The following CAMKMT variants were observed in gnomAD, a reference collection of about 807,000 sequenced individuals.
CAMKMT encodes CaM KMT.
In CAMKMT, 53 loss-of-function variants were observed where a neutral mutation model predicts 48.0. That is an observed-to-expected ratio of 1.10 (90% CI 0.89 to 1.39). CAMKMT has a LOEUF of 1.39. Among genes scored for constraint, CAMKMT ranks in the 40% most tolerant of loss-of-function variants. The probability of loss-of-function intolerance (pLI) is 0.00; values close to 1 mark genes in which losing one functional copy is unlikely to be tolerated. For missense variants in CAMKMT, 428 were observed against 402.7 expected (o/e 1.06, Z -0.54); for synonymous variants, 165 against 152.3 (o/e 1.08, Z -0.61).
chr2:44,761,985 G>C (rs1680640489), intron 9 of CAMKMT, among the ~76,000 whole-genome samples: 1 of 152,168 alleles, frequency 6.6e-6, no homozygotes. Context: ...ATAGACTTGG[G>C]AGTTATTGGT....
At position 44,440,310 on chromosome 2, in the gene CAMKMT, T is replaced by A. The variant is rs181930741; in HGVS notation, c.376+50005T>A. ...GGGAAATCACACAAAGAGTGGGTCT[T>A]GATAGCAGTAATAGAAAATACGGTA... On this transcript the variant is annotated intron_variant, in intron 3 of 10. Transcript: ENST00000378494. 3.7e-3 allele frequency among the ~76,000 whole-genome samples: 556 copies of A among 152,240 alleles called. 4 individuals are homozygous for A. Among genetic ancestry groups the A allele is most frequent in the African/African-American group, 0.013 (525 of 41,538 alleles).
intron 3 of CAMKMT, among the ~76,000 whole-genome samples, chr2:44,521,309 T>G (rs545599217): frequency 1.5e-3 from 227 of 152,328 alleles, no homozygotes; most frequent in Non-Finnish European, 2.9e-3. Flanking sequence ...AGACAGAGTC[T>G]TGCTCTGTTG....
intron 3 of CAMKMT, among the ~76,000 whole-genome samples, chr2:44,626,764 T>C (rs901906350): frequency 1.3e-5 from 2 of 152,164 alleles, no homozygotes; most frequent in Non-Finnish European, 2.9e-5. Flanking sequence ...TTTCAACATA[T>C]GAATTTTGGG....
chr2:44,762,584 A>G (rs1306070962), intron 9 of CAMKMT, among the ~76,000 whole-genome samples: 2 of 152,238 alleles, frequency 1.3e-5, no homozygotes, highest in Non-Finnish European at 1.5e-5. Context: ...GCAGCACACC[A>G]ACATGGCACA....
At chr2:44,508,845 C>T (rs1289938685) in intron 3 of CAMKMT, among the ~76,000 whole-genome samples, 1 of 152,078 alleles carries the variant, frequency 6.6e-6, no homozygotes. Flanking sequence ...CCTGTAATCC[C>T]AGCACTCCGG....
intron 3 of CAMKMT, among the ~76,000 whole-genome samples, chr2:44,446,878 TTTG>T (rs932060719): frequency 6.6e-6 from 1 of 152,214 alleles, no homozygotes; most frequent in Admixed American, 6.5e-5. Flanking sequence ...TGTCATTACC[TTTG>T]TTGTTGTTGT....
intron 10 of CAMKMT, among the ~76,000 whole-genome samples, chr2:44,770,355 C>T (rs573054046): frequency 8.5e-5 from 13 of 152,228 alleles, no homozygotes; most frequent in African/African-American, 1.4e-4. Context: ...CTTTCAGCAA[C>T]GAAGCCTCCA....
intron 3 of CAMKMT, among the ~76,000 whole-genome samples, chr2:44,579,166 T>C (rs1211819765): frequency 6.6e-6 from 1 of 152,236 alleles, no homozygotes; most frequent in Non-Finnish European, 1.5e-5. Context: ...CACTTAACAA[T>C]TTCTGGTCAG....
intron 3 of CAMKMT, among the ~76,000 whole-genome samples, chr2:44,553,477 A>G (rs1223625740): frequency 6.6e-6 from 1 of 151,436 alleles, no homozygotes; most frequent in Admixed American, 6.6e-5. Context: ...TCTTGTGTCT[A>G]AGACTCCTGA....
At chr2:44,456,804 A>T in intron 3 of CAMKMT, 1 of 519,022 alleles carries the variant, frequency 1.9e-6, no homozygotes, top group Non-Finnish European at 3.2e-6. Context: ...CTATTTTCCT[A>T]TTTTACGATT....
chr2:44,694,025 C>A (rs1336791221), intron 3 of CAMKMT, among the ~76,000 whole-genome samples: 1 of 152,154 alleles, frequency 6.6e-6, no homozygotes, highest in Admixed American at 6.5e-5. Flanking sequence ...GATGTGTTGT[C>A]ATCATGGAGC....
At chr2:44,491,603 A>G (rs1278690920) in intron 3 of CAMKMT, among the ~76,000 whole-genome samples, 2 of 152,238 alleles carry the variant, frequency 1.3e-5, no homozygotes, top group African/African-American at 4.8e-5. Flanking sequence ...TAGTTGTATA[A>G]TATAGAAATA....
chr2:44,406,671 A>G (rs765273896), intron 3 of CAMKMT, among the ~76,000 whole-genome samples: 6 of 152,176 alleles, frequency 3.9e-5, no homozygotes, highest in Non-Finnish European at 7.4e-5. Context: ...ATCATGGCCT[A>G]CTGCATCCGC....
intron 3 of CAMKMT, among the ~76,000 whole-genome samples, chr2:44,429,807 CAAAAAAAAAAA>C (rs1168195679): frequency 1.5e-5 from 1 of 64,738 alleles, no homozygotes; most frequent in South Asian, 6.9e-4. Flanking sequence ...GACTCCGTCT[CAAAAAAAAAAA>C]AAAAAAAAAA....
intron 3 of CAMKMT, among the ~76,000 whole-genome samples, chr2:44,522,722 A>G (rs549975461): frequency 6.6e-5 from 10 of 152,342 alleles, no homozygotes; most frequent in South Asian, 6.2e-4. Flanking sequence ...GAGTCTGGGA[A>G]TGAGAAACAA....
chr2:44,771,717 A>C (rs1175520775), intron 10 of CAMKMT, among the ~76,000 whole-genome samples: 2 of 152,128 alleles, frequency 1.3e-5, no homozygotes, highest in African/African-American at 4.8e-5. Flanking sequence ...TTCTATGTCA[A>C]ATGCCCAGTC....
chr2:44,549,090 T>A (rs983274988), intron 3 of CAMKMT, among the ~76,000 whole-genome samples: 1 of 152,238 alleles, frequency 6.6e-6, no homozygotes, highest in Admixed American at 6.5e-5. Flanking sequence ...GATGGAAACA[T>A]GATCCCCTTT....
At chr2:44,590,604 G>T in intron 3 of CAMKMT, among the ~76,000 whole-genome samples, 1 of 152,212 alleles carries the variant, frequency 6.6e-6, no homozygotes, top group Non-Finnish European at 1.5e-5. Flanking sequence ...TGATGGGGTT[G>T]TTTGTTTTTT....
At chr2:44,466,141 G>A (rs570097273) in intron 3 of CAMKMT, among the ~76,000 whole-genome samples, 1 of 152,206 alleles carries the variant, frequency 6.6e-6, no homozygotes, top group South Asian at 2.1e-4. Flanking sequence ...AAGATCATAA[G>A]GAAACAAAGG....
Sources: gnomAD v4.1 joint callset for allele counts (sites outside exome capture counted in the v4.1 genomes callset) on GRCh38, gnomAD v4.1.1 for gene constraint, MANE v1.5 for transcripts, NCBI Gene and HGNC (gene_info 2026-07-23, HGNC 2026-07-21) for gene names.